CCDC141: variants seen among roughly 807,000 people sequenced by gnomAD.
The protein encoded by CCDC141 is coiled-coil domain-containing protein 141.
A neutral mutation model predicts 181.0 loss-of-function variants in CCDC141; 168 were observed. That is an observed-to-expected ratio of 0.93 (90% CI 0.82 to 1.05). The LOEUF is 1.05. CCDC141 is among the 50% of genes least tolerant of loss of function. The probability of loss-of-function intolerance (pLI) is 0.00; values close to 1 mark genes in which losing one functional copy is unlikely to be tolerated. For synonymous variants in CCDC141, 666 were observed against 642.3 expected (o/e 1.04, Z -0.56); for missense variants, 1,902 against 1,788.5 (o/e 1.06, Z -1.14).
At chr2:178,934,745 T>A (rs1689221277) in intron 6 of CCDC141, among the ~76,000 whole-genome samples, 1 of 152,220 alleles carries the variant, frequency 6.6e-6, no homozygotes, top group Admixed American at 6.5e-5. Context: ...ACAAGCCATA[T>A]ACACCAGCTT....
At position 179,036,443 on chromosome 2, in the gene CCDC141, G is replaced by A. The variant is rs528587374; in HGVS notation, c.225+10841C>T. The stretch of plus-strand genomic sequence containing the variant: ...TGTGAAAACTATGTTTTACAGAATC[G>A]GCCAAGGCACTTTTCAAATGTAAAG... On this transcript the variant is annotated intron_variant, in intron 2 of 23. Transcript: ENST00000443758. 3.3e-5 allele frequency among the ~76,000 whole-genome samples: 5 copies of A among 152,026 alleles called. No homozygotes were observed. The East Asian group carries it at 7.7e-4, about 23-fold the overall frequency.
rs1335317767 is a variant in CCDC141, at chr2:178,868,004, GAT to G, written c.2574+20_2574+21del. ...GCCCCAGCTAGAACTGAGTCTAAAT[GAT>G]AGTGTTATTAGATGCTTACAGGCCG... On this transcript the variant is annotated intron_variant, in intron 16 of 23. Transcript: ENST00000443758. 6.3e-7 allele frequency: 1 copy of G among 1,580,646 alleles called. No homozygotes were observed. Among genetic ancestry groups the G allele is most frequent in the Non-Finnish European group, 8.7e-7 (1 of 1,154,048 alleles).
At chr2:179,015,286 C>CATATATCTCGTCTATATCAT (rs2042443700) in intron 2 of CCDC141, among the ~76,000 whole-genome samples, 2 of 120,864 alleles carry the variant, frequency 1.7e-5, no homozygotes, top group South Asian at 2.7e-4. Context: ...ATCTATCTCT[C>CATATATCTCGTCTATATCAT]ATATATCTCA....
intron 8 of CCDC141, among the ~76,000 whole-genome samples, chr2:178,903,562 C>G (rs1687810511): frequency 7.7e-6 from 1 of 130,324 alleles, no homozygotes; most frequent in Non-Finnish European, 1.5e-5. Flanking sequence ...ACAATGAGAA[C>G]ACATGGACAC....
intron 8 of CCDC141, among the ~76,000 whole-genome samples, chr2:178,902,324 C>A (rs1687738467): frequency 3.3e-5 from 5 of 152,180 alleles, no homozygotes; most frequent in Admixed American, 6.5e-5. Flanking sequence ...AAGAACAAAG[C>A]TGGAGGCATC....
chr2:178,839,610 T>G lies in CCDC141; in HGVS notation c.3475-1866A>C, dbSNP rs1035605197. On this transcript the variant is annotated intron_variant, in intron 22 of 23. Coordinates refer to ENST00000443758, the MANE Select transcript of CCDC141 (RefSeq NM_173648.4). ...AAAAAAAAAAAAAAAAAAAAAAATG[T>G]GTTTTCAGGTTGAAGAGTCGAAGCA... is the stretch of plus-strand genomic sequence containing the variant. 2.2e-3 allele frequency among the ~76,000 whole-genome samples: 158 copies of G among 70,494 alleles called. 12 individuals carry two copies. Among genetic ancestry groups the G allele is most frequent in the East Asian group, 0.012 (12 of 998 alleles). 46.2% of individuals were successfully genotyped at this position (70,494 alleles called of 152,430 possible). A position where few individuals can be genotyped will look rare whatever the true frequency, so the allele number is the denominator to read the frequency against.
intron 2 of CCDC141, among the ~76,000 whole-genome samples, chr2:178,992,575 G>A (rs1692107354): frequency 6.6e-6 from 1 of 152,040 alleles, no homozygotes; most frequent in Non-Finnish European, 1.5e-5. Context: ...GCCTCCTAAA[G>A]CCAGACTTGT....
intron 21 of CCDC141, among the ~76,000 whole-genome samples, chr2:178,848,428 G>C (rs1339349819): frequency 6.6e-6 from 1 of 152,172 alleles, no homozygotes; most frequent in African/African-American, 2.4e-5. Flanking sequence ...ATCTAGCTGG[G>C]AGTATAATTA....
chr2:178,897,727 T>A (rs1687481271), intron 8 of CCDC141, among the ~76,000 whole-genome samples: 1 of 152,162 alleles, frequency 6.6e-6, no homozygotes, highest in Admixed American at 6.5e-5. Context: ...AATCAATACT[T>A]CACAAGGTAG....
chr2:178,954,776 T>G (rs2154378294), intron 5 of CCDC141, among the ~76,000 whole-genome samples: 1 of 151,570 alleles, frequency 6.6e-6, no homozygotes, highest in Non-Finnish European at 1.5e-5. Context: ...TAAAGATTGA[T>G]AGCTCCTGTG....
chr2:178,899,456 T>C (rs1482575708), intron 8 of CCDC141, among the ~76,000 whole-genome samples: 2 of 152,104 alleles, frequency 1.3e-5, no homozygotes, highest in Non-Finnish European at 1.5e-5. Flanking sequence ...TGTGCTCAAC[T>C]GGTGGTGCTG....
At chr2:178,998,030 T>A (rs1473858583) in intron 2 of CCDC141, among the ~76,000 whole-genome samples, 3 of 152,160 alleles carry the variant, frequency 2.0e-5, no homozygotes, top group Non-Finnish European at 4.4e-5. Flanking sequence ...TATCTGAAAA[T>A]GCACTTAAAA....
chr2:178,982,947 C>G (rs954345718), intron 2 of CCDC141, among the ~76,000 whole-genome samples: 1 of 152,238 alleles, frequency 6.6e-6, no homozygotes, highest in Non-Finnish European at 1.5e-5. Flanking sequence ...GAAGCTCGAA[C>G]TGGATGGAGC....
chr2:179,000,285 GT>G (rs2041928664), intron 2 of CCDC141, among the ~76,000 whole-genome samples: 1 of 152,070 alleles, frequency 6.6e-6, no homozygotes, highest in Admixed American at 6.6e-5. Context: ...AAATTTCAAT[GT>G]CCATAATAAA....
At chr2:178,986,461 G>A (rs1448966548) in intron 2 of CCDC141, among the ~76,000 whole-genome samples, 3 of 152,168 alleles carry the variant, frequency 2.0e-5, no homozygotes, top group African/African-American at 7.2e-5. Context: ...TGGATGTTCT[G>A]GCCAGGGCAA....
At chr2:178,925,678 C>T (rs1341977070) in intron 6 of CCDC141, among the ~76,000 whole-genome samples, 1 of 152,090 alleles carries the variant, frequency 6.6e-6, no homozygotes, top group Non-Finnish European at 1.5e-5. Context: ...ACGTTTTCTT[C>T]TAGTTAAGTA....
At chr2:178,978,392 T>C (rs1229598302) in intron 3 of CCDC141, 92 bp downstream of exon 3, 2 of 818,712 alleles carry the variant, frequency 2.4e-6, no homozygotes, top group South Asian at 4.8e-5. Context: ...TTTAACTGCT[T>C]GCAATGTCTA....
In CCDC141 at chr2:178,944,655, G is replaced by C; in HGVS notation, c.781-4C>G. On this transcript the variant is annotated splice_region_variant and splice_polypyrimidine_tract_variant and intron_variant, in intron 5 of 23. Transcript: ENST00000443758. ...TTTTCTGAAACCAACAAGTAACCTA[G>C]GTAAAAGGCAACAAAGAAAGATCAA... 2 of 1,332,278 alleles carry C rather than the reference G, an allele frequency of 1.5e-6. No homozygotes were observed. Among genetic ancestry groups the C allele is most frequent in the Non-Finnish European group, 2.1e-6 (2 of 970,614 alleles). The allele number at this position is 1,332,278 out of a possible 1,614,324, so 82.5% of individuals were successfully genotyped here. A position where few individuals can be genotyped will look rare whatever the true frequency, so the allele number is the denominator to read the frequency against.
At chr2:178,960,228 G>A (rs1690337205) in intron 5 of CCDC141, among the ~76,000 whole-genome samples, 1 of 152,166 alleles carries the variant, frequency 6.6e-6, no homozygotes, top group African/African-American at 2.4e-5. Context: ...CTGTCTTGTG[G>A]TCTAGCATAT....
Sources: gnomAD v4.1 joint callset for allele counts (sites outside exome capture counted in the v4.1 genomes callset) on GRCh38, gnomAD v4.1.1 for gene constraint, MANE v1.5 for transcripts, NCBI Gene and HGNC (gene_info 2026-07-23, HGNC 2026-07-21) for gene names.